Variants in CD200 observed in about 807,000 individuals in gnomAD.
CD200 encodes the protein CD200 molecule.
Under a neutral mutation model 30.9 loss-of-function variants are expected in CD200, and 15 were observed. The ratio of observed to expected loss-of-function variants is 0.49; its 90% CI spans 0.32 to 0.75. CD200 has a LOEUF of 0.75. Ranked by LOEUF, CD200 falls within the 30% of genes least tolerant of loss-of-function variation. The pLI is 0.03. For synonymous variants in CD200, 134 were observed against 126.2 expected (o/e 1.06, Z -0.41); for missense variants, 262 against 324.2 (o/e 0.81, Z 1.47).
intron 1 of CD200, among the ~76,000 whole-genome samples, chr3:112,335,392 T>C (rs1174832480): frequency 6.6e-6 from 1 of 152,212 alleles, no homozygotes; most frequent in Non-Finnish European, 1.5e-5. Context: ...AGGGATAGCA[T>C]GCTTATGGTA....
chr3:112,333,728 T>C, intron 1 of CD200: 1 of 985,424 alleles, frequency 1.0e-6, no homozygotes, highest in Non-Finnish European at 1.2e-6. Context: ...CTCCTCTTTG[T>C]TATGCAGCCC....
chr3:112,349,244 G>A (rs777566495), intron 4 of CD200, among the ~76,000 whole-genome samples: 8 of 152,160 alleles, frequency 5.3e-5, no homozygotes, highest in Non-Finnish European at 1.0e-4. Flanking sequence ...AGTTATCTCT[G>A]GGGGTTGAAA....
At chr3:112,347,283 A>G (rs1252487653) in intron 3 of CD200, among the ~76,000 whole-genome samples, 2 of 152,344 alleles carry the variant, frequency 1.3e-5, no homozygotes, top group African/African-American at 4.8e-5. Context: ...TGACTTCTCA[A>G]TACTCTATGT....
intron 5 of CD200, among the ~76,000 whole-genome samples, chr3:112,357,041 C>A (rs1576625844): frequency 6.6e-6 from 1 of 152,068 alleles, no homozygotes; most frequent in Non-Finnish European, 1.5e-5. Context: ...GCGGGCGGAT[C>A]ACGAGGTCAG....
chr3:112,344,925 A>T, intron 2 of CD200, 37 bp from the exon 3 acceptor site: 1 of 1,437,506 alleles, frequency 7.0e-7, no homozygotes, highest in Middle Eastern at 1.8e-4. Context: ...TGTGTGTTAC[A>T]ATCTTTAAAT....
chr3:112,341,346 T>C (rs2081234658), intron 2 of CD200, among the ~76,000 whole-genome samples: 1 of 152,240 alleles, frequency 6.6e-6, no homozygotes, highest in Admixed American at 6.5e-5. Flanking sequence ...AATCTGGCAG[T>C]AAGCCTTAAA....
rs576547393 is a variant in CD200 at position 112,333,813 on chromosome 3, T to G, written c.12+589T>G. ...AAGCTGAAGCTACACTTGAGAGAGC[T>G]GAAATGCTCTGTGATCATAATGCTT... On this transcript the variant is annotated intron_variant, in intron 1 of 5. Transcript: ENST00000315711. 10 of 985,280 alleles carry G rather than the reference T, an allele frequency of 1.0e-5. No individual in the cohort carries two copies. The East Asian group carries it at 9.1e-4, about 89-fold the overall frequency. 61.0% of individuals were successfully genotyped at this position (985,280 alleles called of 1,614,324 possible).
At chr3:112,349,529 A>G (rs1472448273) in intron 4 of CD200, among the ~76,000 whole-genome samples, 183 bp from the exon 5 acceptor site, 1 of 152,220 alleles carries the variant, frequency 6.6e-6, no homozygotes, top group East Asian at 1.9e-4. Context: ...ATTACACAGT[A>G]GCCAGATAAA....
At chr3:112,353,547 A>G (rs1175635474) in intron 5 of CD200, among the ~76,000 whole-genome samples, 1 of 152,234 alleles carries the variant, frequency 6.6e-6, no homozygotes, top group African/African-American at 2.4e-5. Flanking sequence ...CAAAGTTAAT[A>G]AAACGTCATT....
intron 5 of CD200, among the ~76,000 whole-genome samples, chr3:112,361,337 C>T (rs2081737687): frequency 6.6e-6 from 1 of 152,212 alleles, no homozygotes. Context: ...CAAGCCACTG[C>T]ATCCAGCCTA....
rs553450173 is a variant in CD200, at chr3:112,339,399, T to C, written c.13-1503T>C. On this transcript the variant is annotated intron_variant, in intron 1 of 5. Coordinates refer to ENST00000315711, the MANE Select transcript of CD200 (RefSeq NM_005944.7). Reference sequence around the variant, plus strand: ...GGTTGATTGGATGAATGCAGAGTGATGGAGGAACTAGCTTTTCTGGCTCAG... The same window carrying C: ...GGTTGATTGGATGAATGCAGAGTGACGGAGGAACTAGCTTTTCTGGCTCAG... 3.3e-5 allele frequency among the ~76,000 whole-genome samples: 5 copies of C among 152,292 alleles called. No individual in the cohort carries two copies. The East Asian group carries it at 5.8e-4, about 18-fold the overall frequency.
chr3:112,332,990 GAA>G, upstream of CD200: 1 of 614,120 alleles, frequency 1.6e-6, no homozygotes. Flanking sequence ...AAAAATGTCT[GAA>G]AATAGACAAA....
chr3:112,332,620 AAGG>A (rs1385082413), upstream of CD200: 1 of 199,756 alleles, frequency 5.0e-6, no homozygotes, highest in East Asian at 1.6e-4. Flanking sequence ...GAAGAAGGAG[AAGG>A]AGAAGGGAAA....
intron 3 of CD200, among the ~76,000 whole-genome samples, chr3:112,347,049 T>C (rs1486772873): frequency 3.9e-5 from 6 of 152,166 alleles, no homozygotes; most frequent in Admixed American, 2.0e-4. Context: ...CTGGTCCAGC[T>C]CCAAGAAGAA....
chr3:112,333,447 C>G (rs1199327866), intron 1 of CD200: 1 of 985,256 alleles, frequency 1.0e-6, no homozygotes, highest in African/African-American at 1.7e-5. Context: ...CAGCTGCTGG[C>G]GTCCAGATTC....
chr3:112,333,073 GGAGTGGGA>G, upstream of CD200: 1 of 1,283,506 alleles, frequency 7.8e-7, no homozygotes, highest in South Asian at 1.3e-5. Flanking sequence ...TGGGGAAAAC[GGAGTGGGA>G]GAAGGGGGCT....
At chr3:112,355,243 A>T (rs186461756) in intron 5 of CD200, among the ~76,000 whole-genome samples, 240 of 152,258 alleles carry the variant, frequency 1.6e-3, no homozygotes, top group Non-Finnish European at 2.7e-3. Flanking sequence ...GCAACTCTCT[A>T]TCAAAGAACT....
intron 1 of CD200, among the ~76,000 whole-genome samples, chr3:112,339,966 A>G (rs1182972140): frequency 6.6e-6 from 1 of 152,306 alleles, no homozygotes; most frequent in South Asian, 2.1e-4. Flanking sequence ...TGGGACAATT[A>G]TGGGGTATTG....
At chr3:112,361,422 A>C in intron 5 of CD200, 121 bp from the exon 6 acceptor site, 1 of 836,032 alleles carries the variant, frequency 1.2e-6, no homozygotes, top group Non-Finnish European at 2.0e-6. Flanking sequence ...TATCTTTGCC[A>C]ATGAATATAC....
Sources: allele counts gnomAD v4.1 joint callset (sites outside exome capture counted in the v4.1 genomes callset), GRCh38; gene constraint gnomAD v4.1.1; transcripts MANE v1.5; gene names NCBI Gene and HGNC (gene_info 2026-07-23, HGNC 2026-07-21).